DIS3L2: variants seen among roughly 807,000 people sequenced by gnomAD.
The protein encoded by DIS3L2 is DIS3 like 3'-5' exoribonuclease 2.
In DIS3L2, 34 loss-of-function variants were observed where a neutral mutation model predicts 97.5. The ratio of observed to expected loss-of-function variants is 0.35; its 90% confidence interval spans 0.27 to 0.46. The LOEUF (loss-of-function observed/expected upper bound fraction) is 0.46, where lower values mean the gene tolerates loss of function less well. Ranked by LOEUF, DIS3L2 falls within the 20% of genes least tolerant of loss-of-function variation. DIS3L2 has a pLI of 1.00. For synonymous variants in DIS3L2, 435 were observed against 445.2 expected (o/e 0.98, Z 0.29); for missense variants, 1,038 against 1,146.0 (o/e 0.91, Z 1.36).
intron 1 of DIS3L2, among the ~76,000 whole-genome samples, chr2:231,998,790 C>G (rs745769532): frequency 3.3e-5 from 5 of 152,110 alleles, no homozygotes; most frequent in Non-Finnish European, 7.4e-5. Context: ...TTATCACTTG[C>G]GATACTGCTG....
chr2:232,165,808 G>A (rs992286278), intron 9 of DIS3L2, among the ~76,000 whole-genome samples: 2 of 152,134 alleles, frequency 1.3e-5, no homozygotes, highest in African/African-American at 2.4e-5. Flanking sequence ...GATTACAGGC[G>A]TGAGCCACCA....
chr2:232,081,005 G>C (rs370748805), intron 5 of DIS3L2, among the ~76,000 whole-genome samples: 14 of 151,788 alleles, frequency 9.2e-5, no homozygotes, highest in African/African-American at 2.9e-4. Context: ...TAATCTATAG[G>C]CTTACCCTTT....
chr2:232,187,405 A>G (rs1232850438), intron 9 of DIS3L2, among the ~76,000 whole-genome samples: 1 of 152,148 alleles, frequency 6.6e-6, no homozygotes. Context: ...TTACTCCTGG[A>G]GAATTGAAAA....
chr2:232,055,964 A>G (rs906220286), intron 5 of DIS3L2, among the ~76,000 whole-genome samples: 5 of 152,242 alleles, frequency 3.3e-5, no homozygotes, highest in Non-Finnish European at 7.3e-5. Flanking sequence ...ACAAAAATCA[A>G]TTCTAGGTAG....
intron 6 of DIS3L2, among the ~76,000 whole-genome samples, chr2:232,125,676 G>A (rs1239585616): frequency 6.6e-6 from 1 of 152,308 alleles, no homozygotes; most frequent in South Asian, 2.1e-4. Context: ...TAGGCCTAGG[G>A]ATTTTGTGAA....
intron 5 of DIS3L2, among the ~76,000 whole-genome samples, chr2:232,036,630 T>C (rs1465944305): frequency 1.3e-5 from 2 of 152,222 alleles, no homozygotes; most frequent in Non-Finnish European, 2.9e-5. Context: ...AGCCTTTTTG[T>C]ACTGGTTTTT....
chr2:232,322,952 C>T (rs1695477610), intron 14 of DIS3L2, among the ~76,000 whole-genome samples: 1 of 152,228 alleles, frequency 6.6e-6, no homozygotes, highest in Non-Finnish European at 1.5e-5. Context: ...CCAGCTTCCC[C>T]TGCTGGGGCT....
chr2:232,176,405 G>T (rs956361587), intron 9 of DIS3L2, among the ~76,000 whole-genome samples: 2 of 151,650 alleles, frequency 1.3e-5, no homozygotes, highest in Non-Finnish European at 2.9e-5. Context: ...TTTTCACATA[G>T]CCAACTTTTA....
At position 231,993,753 on chromosome 2, in the gene DIS3L2, T is replaced by C. The variant is rs16828554; in HGVS notation, c.-93-21082T>C. Among the ~76,000 whole-genome samples, 212 of 147,478 alleles carry C rather than the reference T, an allele frequency of 1.4e-3. 1 individual carries two copies. The highest frequency in any genetic ancestry group is 5.3e-3 in the African/African-American group (203 of 38,094). ...CTTAAGGATAAAACAGGAGCTCATATTCCAACTGCATTTTTTTTTTTTTTT... is the reference window on the plus strand; with the variant it reads ...CTTAAGGATAAAACAGGAGCTCATACTCCAACTGCATTTTTTTTTTTTTTT... On this transcript the variant is annotated intron_variant, in intron 1 of 20. Coordinates refer to ENST00000325385, the MANE Select transcript of DIS3L2 (RefSeq NM_152383.5).
intron 6 of DIS3L2, among the ~76,000 whole-genome samples, chr2:232,121,137 C>A (rs1324865254): frequency 3.3e-5 from 5 of 152,166 alleles, no homozygotes; most frequent in Non-Finnish European, 5.9e-5. Context: ...GCCTCCCACT[C>A]AATTTCCCAG....
intron 3 of DIS3L2, among the ~76,000 whole-genome samples, chr2:232,022,259 C>T (rs1416737480): frequency 6.6e-6 from 1 of 152,174 alleles, no homozygotes; most frequent in African/African-American, 2.4e-5. Context: ...TCCAGTTCTT[C>T]AGAGTTATGC....
Position 232,209,881 on chromosome 2 carries a change from A to G in DIS3L2, c.1125-445A>G, listed in dbSNP as rs995543816. Among the ~76,000 whole-genome samples, 13 of 152,242 alleles carry G rather than the reference A, an allele frequency of 8.5e-5. No homozygotes were observed. In the East Asian group the frequency reaches 2.5e-3, roughly 29 times the overall value. ...TGCTGTTTCCAGGTAGACTTCTATT[A>G]TGGTTAACTCTACGGCCCAAAGTTT... On this transcript the variant is annotated intron_variant, in intron 9 of 20. Transcript: ENST00000325385.
intron 5 of DIS3L2, among the ~76,000 whole-genome samples, chr2:232,044,992 G>A (rs567586417): frequency 8.5e-5 from 13 of 152,214 alleles, no homozygotes; most frequent in Admixed American, 7.2e-4. Context: ...TAATTCTCCT[G>A]GGAACTCAGG....
intron 8 of DIS3L2, among the ~76,000 whole-genome samples, chr2:232,148,859 C>G (rs1378455282): frequency 1.4e-5 from 2 of 140,186 alleles, no homozygotes; most frequent in African/African-American, 5.3e-5. Context: ...AAACTAACAG[C>G]TAGAAATATT....
chr2:231,987,476 G>A (rs1227595872), intron 1 of DIS3L2, among the ~76,000 whole-genome samples: 2 of 152,196 alleles, frequency 1.3e-5, no homozygotes, highest in Non-Finnish European at 2.9e-5. Context: ...TGCATCTGGA[G>A]GCAGCAAGGT....
At chr2:231,965,858 G>A (rs752419835) in intron 1 of DIS3L2, among the ~76,000 whole-genome samples, 2 of 152,198 alleles carry the variant, frequency 1.3e-5, no homozygotes, top group Non-Finnish European at 2.9e-5. Context: ...CGTCCATGTT[G>A]CCCTGGCTGG....
intron 9 of DIS3L2, among the ~76,000 whole-genome samples, chr2:232,199,578 T>C (rs975844426): frequency 2.0e-5 from 3 of 152,204 alleles, no homozygotes; most frequent in Non-Finnish European, 2.9e-5. Flanking sequence ...GTCCCTGAAC[T>C]GATACAGAGT....
chr2:232,120,011 T>C (rs942918877), intron 6 of DIS3L2, among the ~76,000 whole-genome samples: 1 of 152,204 alleles, frequency 6.6e-6, no homozygotes, highest in Non-Finnish European at 1.5e-5. Flanking sequence ...TAAGGCTTTT[T>C]TTCCCCCCAG....
At chr2:232,026,776 C>T (rs1355870539) in intron 4 of DIS3L2, among the ~76,000 whole-genome samples, 1 of 152,060 alleles carries the variant, frequency 6.6e-6, no homozygotes, top group Non-Finnish European at 1.5e-5. Context: ...TTAAAGAAAG[C>T]TAAGACACAA....
Sources: allele counts gnomAD v4.1 joint callset (sites outside exome capture counted in the v4.1 genomes callset), GRCh38; gene constraint gnomAD v4.1.1; transcripts MANE v1.5; gene names NCBI Gene and HGNC (gene_info 2026-07-23, HGNC 2026-07-21).